Variants in VEPH1 observed in about 807,000 individuals in gnomAD.
VEPH1 encodes the protein ventricular zone expressed PH domain containing 1.
A neutral mutation model predicts 85.2 loss-of-function variants in VEPH1; 80 were observed. That is an observed-to-expected ratio of 0.94 (90% confidence interval 0.78 to 1.13). The LOEUF is 1.13. Ranked by LOEUF, VEPH1 falls within the 50% of genes most tolerant of loss-of-function variation. The probability of loss-of-function intolerance (pLI) is 0.00; values close to 1 mark genes in which losing one functional copy is unlikely to be tolerated. For synonymous variants in VEPH1, 297 were observed against 348.0 expected (o/e 0.85, Z 1.63); for missense variants, 955 against 980.5 (o/e 0.97, Z 0.35).
At chr3:157,349,282 C>A (rs557575334) in intron 9 of VEPH1, among the ~76,000 whole-genome samples, 1 of 152,182 alleles carries the variant, frequency 6.6e-6, no homozygotes, top group East Asian at 1.9e-4. Context: ...GAACAAAAAC[C>A]AGATGATTAT....
At chr3:157,363,976 A>G (rs2108775545) in intron 8 of VEPH1, among the ~76,000 whole-genome samples, 1 of 152,382 alleles carries the variant, frequency 6.6e-6, no homozygotes, top group African/African-American at 2.4e-5. Context: ...AATCAATTTC[A>G]TGGCAAAACT....
In VEPH1 at chr3:157,470,453, G is replaced by A. The variant is rs1050578277; in HGVS notation, c.215C>T (p.Thr72Ile). 7.4e-6 allele frequency: 12 copies of A among 1,614,062 alleles called. No individual in the cohort carries two copies. Among genetic ancestry groups the A allele is most frequent in the Non-Finnish European group, 1.0e-5 (12 of 1,180,048 alleles). Residue 72 changes from threonine to isoleucine, a missense_variant, in exon 3 of 14, where the codon ACC becomes ATC. By Grantham distance (89) the Thr-to-Ile change is moderately conservative. Transcript: ENST00000362010. ...ITRITTAIRE[T>I]ESIEKHAKAL... ...CTTTGCATGCTTTTCAATGGACTCG[G>A]TCTCTCTGATGGCTGTTGTGATTCT...
intron 7 of VEPH1, among the ~76,000 whole-genome samples, chr3:157,377,311 C>T (rs1728237340): frequency 6.7e-6 from 1 of 150,146 alleles, no homozygotes; most frequent in South Asian, 2.1e-4. Flanking sequence ...TGCCCTCTCA[C>T]CTCAGAAAAA....
At chr3:157,428,509 G>T in intron 4 of VEPH1, 21 bp from the exon 5 acceptor site, 1 of 1,607,602 alleles carries the variant, frequency 6.2e-7, no homozygotes. Context: ...AACAATAAAG[G>T]GAATGATGAC....
At chr3:157,315,221 A>T (rs1299304464) in intron 10 of VEPH1, among the ~76,000 whole-genome samples, 1 of 152,070 alleles carries the variant, frequency 6.6e-6, no homozygotes, top group Non-Finnish European at 1.5e-5. Context: ...TATTCCAGAA[A>T]AATTTTATTA....
rs2109034584 is a variant in VEPH1, at chr3:157,413,909, A to C, written c.878T>G (p.Ile293Ser). 1 of 1,613,526 alleles carries C rather than the reference A, an allele frequency of 6.2e-7. No homozygotes were observed. Among genetic ancestry groups the C allele is most frequent in the Middle Eastern group, 1.7e-4 (1 of 6,054 alleles). The part of the protein sequence containing the change: ...FPYLTGQMAR[I>S]YGAVGHVDEE... ...ATCCACATGCCCAACAGCTCCATAAATCCTTGCCATCTGTCCAGTGAGGTA... is the reference window on the plus strand; with the variant it reads ...ATCCACATGCCCAACAGCTCCATAACTCCTTGCCATCTGTCCAGTGAGGTA... Residue 293 changes from isoleucine to serine, a missense_variant, in exon 6 of 14, where the codon ATT becomes AGT. Coordinates refer to ENST00000362010, the MANE Select transcript of VEPH1 (RefSeq NM_001167912.2).
At chr3:157,363,325 C>T (rs2108772485) in intron 9 of VEPH1, 39 bp downstream of exon 9, 1 of 1,515,852 alleles carries the variant, frequency 6.6e-7, no homozygotes, top group Non-Finnish European at 8.8e-7. Context: ...TGCAGTGACT[C>T]CTGAAGTTTC....
chr3:157,299,192 G>A (rs547376109), intron 11 of VEPH1, among the ~76,000 whole-genome samples: 13 of 152,194 alleles, frequency 8.5e-5, no homozygotes, highest in African/African-American at 3.1e-4. Context: ...TTCAGTTTGA[G>A]CAGTCTCTTT....
intron 6 of VEPH1, 119 bp downstream of exon 6, chr3:157,413,762 A>T (rs1731694986): frequency 1.4e-6 from 2 of 1,398,900 alleles, no homozygotes; most frequent in Non-Finnish European, 1.9e-6. Context: ...TCAAAGAGAA[A>T]TTGGAACTCC....
chr3:157,417,668 A>G (rs1732026990), intron 5 of VEPH1, among the ~76,000 whole-genome samples: 1 of 152,154 alleles, frequency 6.6e-6, no homozygotes, highest in Admixed American at 6.6e-5. Context: ...TTGAACACAG[A>G]GAGAAATCTC....
chr3:157,343,876 C>T (rs529571797), intron 9 of VEPH1, among the ~76,000 whole-genome samples: 16 of 152,120 alleles, frequency 1.1e-4, no homozygotes, highest in South Asian at 2.1e-4. Flanking sequence ...ATTCAACATA[C>T]GCAAATCAAT....
intron 9 of VEPH1, among the ~76,000 whole-genome samples, chr3:157,348,324 T>A (rs888402633): frequency 2.0e-5 from 3 of 152,192 alleles, no homozygotes; most frequent in African/African-American, 7.2e-5. Flanking sequence ...TTGAGGGACC[T>A]CCACACTGTT....
rs559198401 is a variant in VEPH1, at chr3:157,341,854, G to T, written c.1735+21510C>A. Among the ~76,000 whole-genome samples, 3 of 151,802 alleles carry T rather than the reference G, an allele frequency of 2.0e-5. No individual in the cohort carries two copies. In the South Asian group the frequency reaches 6.3e-4, roughly 32 times the overall value. On this transcript the variant is annotated intron_variant, in intron 9 of 13. Coordinates refer to ENST00000362010, the MANE Select transcript of VEPH1 (RefSeq NM_001167912.2). Reference sequence around the variant, plus strand: ...GGCAGAAACTCTACAAGCCAGAAGAGAGTGGGGGCCAATATTCAACATTCT... The same window carrying T: ...GGCAGAAACTCTACAAGCCAGAAGATAGTGGGGGCCAATATTCAACATTCT...
At chr3:157,394,863 T>C (rs574163430) in intron 6 of VEPH1, among the ~76,000 whole-genome samples, 2 of 152,264 alleles carry the variant, frequency 1.3e-5, no homozygotes, top group East Asian at 1.9e-4. Flanking sequence ...CTTTCACCCA[T>C]TGATTCCTGG....
chr3:157,318,723 C>A lies in VEPH1; in HGVS notation c.1736-1522G>T, dbSNP rs183329874. Among the ~76,000 whole-genome samples, 95 of 151,702 alleles carry A rather than the reference C, an allele frequency of 6.3e-4. No individual in the cohort carries two copies. The East Asian group carries it at 0.012, about 19-fold the overall frequency. On this transcript the variant is annotated intron_variant, in intron 9 of 13. Transcript: ENST00000362010. ...AGTGATCCAGTATGCCCTACTCTTA[C>A]AATGGAAATGGACTAGAGTTAGTTG...
chr3:157,472,085 T>A (rs1192109864), intron 2 of VEPH1, among the ~76,000 whole-genome samples: 1 of 152,202 alleles, frequency 6.6e-6, no homozygotes, highest in African/African-American at 2.4e-5. Flanking sequence ...ATCCTTATGT[T>A]TATACAGAGG....
chr3:157,286,398 G>T, intron 12 of VEPH1, 159 bp downstream of exon 12: 1 of 669,468 alleles, frequency 1.5e-6, no homozygotes, highest in South Asian at 1.8e-5. Flanking sequence ...GACCACTTTG[G>T]TGAGACGCCT....
chr3:157,261,022 T>C lies in VEPH1; in HGVS notation c.*112A>G. On this transcript the variant is annotated 3_prime_UTR_variant, in exon 14 of 14. Transcript: ENST00000362010. ...TCTTCTTAAAGGACAACAATTCCAT[T>C]GGTATTTAGTAAAAAACAACATGGC... 1 of 1,420,846 alleles carries C rather than the reference T, an allele frequency of 7.0e-7. No homozygotes were observed. The highest frequency in any genetic ancestry group is 2.3e-5 in the East Asian group (1 of 43,616). The allele number at this position is 1,420,846 out of a possible 1,614,324, so 88.0% of individuals were successfully genotyped here.
intron 7 of VEPH1, among the ~76,000 whole-genome samples, chr3:157,371,144 C>T (rs1169250741): frequency 6.6e-6 from 1 of 152,158 alleles, no homozygotes; most frequent in African/African-American, 2.4e-5. Context: ...TGCTCAAAGC[C>T]AGGGAGGACT....
Sources: allele counts gnomAD v4.1 joint callset (sites outside exome capture counted in the v4.1 genomes callset), GRCh38; gene constraint gnomAD v4.1.1; transcripts MANE v1.5; gene names NCBI Gene and HGNC (gene_info 2026-07-23, HGNC 2026-07-21).